The following PLRG1 variants were observed in gnomAD, a reference collection of about 807,000 sequenced individuals.
PLRG1 encodes pleiotropic regulator 1.
Under a neutral mutation model 74.9 loss-of-function variants are expected in PLRG1, and 28 were observed. The ratio of observed to expected loss-of-function variants is 0.37; its 90% CI spans 0.28 to 0.51. The LOEUF (loss-of-function observed/expected upper bound fraction) is 0.51. Ranked by LOEUF, PLRG1 falls within the 20% of genes least tolerant of loss-of-function variation. The pLI is 0.91. For synonymous variants in PLRG1, 197 were observed against 212.4 expected (o/e 0.93, Z 0.63); for missense variants, 445 against 631.9 (o/e 0.70, Z 3.17).
chr4:154,545,738 C>A, intron 6 of PLRG1, 98 bp downstream of exon 6: 2 of 668,802 alleles, frequency 3.0e-6, no homozygotes, highest in South Asian at 2.1e-5. Flanking sequence ...GAATGACTAG[C>A]TCAGGCTGCT....
In PLRG1 at chr4:154,540,852, C is replaced by T; in HGVS notation, c.770G>A (p.Arg257Lys). ...TCCACAAGAGAACAGATATGGGCTC[C>T]TTGTGCTTACTATCACGCCCCGCAC... is the stretch of plus-strand genomic sequence containing the variant. ...STVRGVIVST[R>K]SPYLFSCGED... The change falls in exon 9 of 15, where the codon AGG (arginine) becomes AAG (lysine). Residue 257 changes from arginine to lysine, a missense_variant. Physicochemically the swap from Arg to Lys is conservative, Grantham distance 26. This residue lies in a region of PLRG1 where 221 missense variants were observed against 377.7 expected (regional missense o/e 0.59). Coordinates refer to ENST00000499023, the MANE Select transcript of PLRG1 (RefSeq NM_002669.4). 6.2e-7 allele frequency: 1 copy of T among 1,613,418 alleles called. No individual in the cohort carries two copies. Among genetic ancestry groups the T allele is most frequent in the Non-Finnish European group, 8.5e-7 (1 of 1,179,406 alleles).
chr4:154,547,347 T>A, intron 3 of PLRG1: 1 of 529,016 alleles, frequency 1.9e-6, no homozygotes, highest in Non-Finnish European at 3.3e-6. Flanking sequence ...CTGTGGAATC[T>A]TGAATTCTCT....
intron 6 of PLRG1, among the ~76,000 whole-genome samples, chr4:154,545,114 C>G (rs1578770134): frequency 6.6e-6 from 1 of 152,030 alleles, no homozygotes; most frequent in Non-Finnish European, 1.5e-5. Flanking sequence ...CATAAATAAG[C>G]CCATAAAGTT....
At chr4:154,547,874 TAAG>T (rs772220454) in intron 2 of PLRG1, 21 bp from the exon 3 acceptor site, 1 of 1,568,392 alleles carries the variant, frequency 6.4e-7, no homozygotes, top group Non-Finnish European at 8.7e-7. Context: ...ATTATAAACA[TAAG>T]AACGTATCCA....
At chr4:154,549,571 A>C (rs1442513860) in intron 1 of PLRG1, 3 of 412,394 alleles carry the variant, frequency 7.3e-6, no homozygotes, top group African/African-American at 6.1e-5. Flanking sequence ...CAGATTAGGT[A>C]AGGTCTTTTA....
In PLRG1 at chr4:154,541,057, T is replaced by C. The variant is rs1350760373; in HGVS notation, c.688-123A>G. ...GAAAAAGATAACAAATACGTAAAAA[T>C]AAAAAATTTTGCAAAATGACTCCCC... On this transcript the variant is annotated intron_variant, in intron 8 of 14. Transcript: ENST00000499023. 4 of 728,126 alleles carry C rather than the reference T, an allele frequency of 5.5e-6. No homozygotes were observed. In the African/African-American group the frequency reaches 5.5e-5, roughly 10 times the overall value. The allele number at this position is 728,126 out of a possible 1,614,324, so 45.1% of individuals were successfully genotyped here. A position where few individuals can be genotyped will look rare whatever the true frequency, so the allele number is the denominator to read the frequency against.
chr4:154,548,720 A>T (rs1729702998), intron 2 of PLRG1, 109 bp downstream of exon 2: 1 of 636,966 alleles, frequency 1.6e-6, no homozygotes, highest in Admixed American at 2.8e-5. Context: ...ATTATTGAAT[A>T]ATTAGCCCAT....
intron 3 of PLRG1, 85 bp downstream of exon 3, chr4:154,547,626 C>A: frequency 1.6e-6 from 2 of 1,269,192 alleles, no homozygotes; most frequent in Admixed American, 3.5e-5. Context: ...TAAGTCCTGC[C>A]AGGAGGGGCA....
intron 12 of PLRG1, among the ~76,000 whole-genome samples, chr4:154,538,582 G>T (rs934736137): frequency 1.3e-5 from 2 of 151,782 alleles, no homozygotes; most frequent in African/African-American, 2.4e-5. Flanking sequence ...GGTATGGAGA[G>T]TAGAAGACAG....
intron 7 of PLRG1, among the ~76,000 whole-genome samples, chr4:154,543,061 TAACTAGAAGAGTA>T: frequency 6.6e-6 from 1 of 152,210 alleles, no homozygotes; most frequent in East Asian, 1.9e-4. Context: ...TATTTCAAAA[TAACTAGAAGAGTA>T]AAATTGGAAT....
rs774320897 is a variant in PLRG1, at chr4:154,542,290, C to T, written c.595-11G>A. ...ATGCCCACTGATAACCTGTATAAAACAAAGTAGAATGGGCAGGCCAACGTA... is the reference window on the plus strand; with the variant it reads ...ATGCCCACTGATAACCTGTATAAAATAAAGTAGAATGGGCAGGCCAACGTA... On this transcript the variant is annotated splice_polypyrimidine_tract_variant and intron_variant, in intron 7 of 14. Coordinates refer to ENST00000499023, the MANE Select transcript of PLRG1 (RefSeq NM_002669.4). 1.9e-6 allele frequency: 3 copies of T among 1,582,276 alleles called. No individual in the cohort carries two copies. Among genetic ancestry groups the T allele is most frequent in the Non-Finnish European group, 2.6e-6 (3 of 1,151,180 alleles).
intron 6 of PLRG1, among the ~76,000 whole-genome samples, 160 bp downstream of exon 6, chr4:154,545,676 C>T (rs1189549711): frequency 6.6e-6 from 1 of 152,062 alleles, no homozygotes; most frequent in Admixed American, 6.5e-5. Context: ...GAATTAAATT[C>T]CAAAAAATAC....
At chr4:154,536,766 A>G (rs747367117) in intron 14 of PLRG1, 22 bp from the exon 15 acceptor site, 1 of 1,316,680 alleles carries the variant, frequency 7.6e-7, no homozygotes, top group South Asian at 1.3e-5. Context: ...AAAGTGAGTT[A>G]AAATAAAGTA....
intron 1 of PLRG1, 110 bp downstream of exon 1, chr4:154,550,190 T>A: frequency 9.6e-7 from 1 of 1,038,120 alleles, no homozygotes; most frequent in East Asian, 2.4e-5. Context: ...ATAGCTCCCC[T>A]CGTAGCCTCT....
In PLRG1 at chr4:154,536,667, GA is replaced by G; in HGVS notation, c.*17del. Reference sequence around the variant, plus strand: ...AATTAAAAAGAAAAAAAAAGAGAGAGAAAAAATTCCACATTCATTAAAATCT... The same window carrying G: ...AATTAAAAAGAAAAAAAAAGAGAGAGAAAAATTCCACATTCATTAAAATCT... On this transcript the variant is annotated 3_prime_UTR_variant, in exon 15 of 15. Transcript: ENST00000499023. 1 of 1,348,272 alleles carries G rather than the reference GA, an allele frequency of 7.4e-7. No individual in the cohort carries two copies. The highest frequency in any genetic ancestry group is 1.0e-6 in the Non-Finnish European group (1 of 961,036). The allele number at this position is 1,348,272 out of a possible 1,614,324, so 83.5% of individuals were successfully genotyped here.
chr4:154,547,839 A>T lies in PLRG1; in HGVS notation c.131T>A (p.Met44Lys). 1 of 1,606,530 alleles carries T rather than the reference A, an allele frequency of 6.2e-7. No homozygotes were observed. The change falls in exon 3 of 15, where the codon ATG (methionine) becomes AAG (lysine). Residue 44 changes from methionine to lysine, a missense_variant. Physicochemically the swap from Met to Lys is moderately conservative, Grantham distance 95. Transcript: ENST00000499023. ...ATACTCATTACGAAGCTTGATTGCCATTTTTCGTTTGTGACTATTTAGAAA... is the reference window on the plus strand; with the variant it reads ...ATACTCATTACGAAGCTTGATTGCCTTTTTTCGTTTGTGACTATTTAGAAA... Reference protein sequence around the residue: ...PLDEESHKRKMAIKLRNEYGP... With the variant: ...PLDEESHKRKKAIKLRNEYGP...
intron 10 of PLRG1, 62 bp downstream of exon 10, chr4:154,540,532 G>A (rs117710132): frequency 2.5e-5 from 27 of 1,092,114 alleles, no homozygotes; most frequent in South Asian, 1.4e-4. Flanking sequence ...CACTGAAACC[G>A]AAAGTGCACC....
chr4:154,538,091 C>A lies in PLRG1; in HGVS notation c.1169G>T (p.Gly390Val). 6.8e-7 allele frequency: 1 copy of A among 1,476,964 alleles called. No individual in the cohort carries two copies. The highest frequency in any genetic ancestry group is 1.4e-5 in the South Asian group (1 of 73,030). The allele number at this position is 1,476,964 out of a possible 1,614,324, so 91.5% of individuals were successfully genotyped here. ...LHPRHYTFAS[G>V]SPDNIKQWKF... ...CCACTGCTTTATGTTATCTGGAGAA[C>A]CAGATGCAAATGTGTAACTGAAATA... The change falls in exon 13 of 15, where the codon GGT becomes GTT. Residue 390 changes from glycine (G) to valine (V), a missense_variant. Gly to Val is a moderately radical substitution (Grantham distance 109). This residue lies in a region of PLRG1 where 221 missense variants were observed against 377.7 expected (regional missense o/e 0.59). Coordinates refer to ENST00000499023, the MANE Select transcript of PLRG1 (RefSeq NM_002669.4).
intron 2 of PLRG1, among the ~76,000 whole-genome samples, chr4:154,548,356 T>C (rs1398323649): frequency 6.6e-6 from 1 of 152,160 alleles, no homozygotes; most frequent in Non-Finnish European, 1.5e-5. Context: ...TTTGAGGAGT[T>C]AAGTAGATTT....
Sources: allele counts gnomAD v4.1 joint callset (sites outside exome capture counted in the v4.1 genomes callset), GRCh38; gene constraint gnomAD v4.1.1; regional missense constraint gnomAD v4.1.1; transcripts MANE v1.5; gene names NCBI Gene and HGNC (gene_info 2026-07-23, HGNC 2026-07-21).